Variants in MORC1 observed in about 807,000 individuals in gnomAD.
MORC1 encodes MORC family CW-type zinc finger 1.
MORC1 carries 59 observed loss-of-function variants against 134.9 expected under a neutral mutation model. That is an observed-to-expected ratio of 0.44 (90% confidence interval 0.35 to 0.54). The LOEUF is 0.54. MORC1 is among the 20% of genes least tolerant of loss of function. The probability of loss-of-function intolerance (pLI) is 0.00; values close to 1 mark genes in which losing one functional copy is unlikely to be tolerated. For synonymous variants in MORC1, 395 were observed against 391.7 expected, an observed-to-expected ratio of 1.01 and a Z score of -0.10; for missense variants, 947 against 1,134.5, an observed-to-expected ratio of 0.83 and a Z score of 2.37.
intron 8 of MORC1, among the ~76,000 whole-genome samples, chr3:109,086,800 T>C (rs1950623591): frequency 6.6e-6 from 1 of 152,090 alleles, no homozygotes. Context: ...CAGATGTTGG[T>C]AAAATATCAA....
At chr3:108,966,092 T>C (rs1027964534) in intron 26 of MORC1, among the ~76,000 whole-genome samples, 8 of 152,144 alleles carry the variant, frequency 5.3e-5, no homozygotes, top group Non-Finnish European at 1.2e-4. Context: ...TGTACTAGCT[T>C]TTTTGTGTGT....
intron 14 of MORC1, among the ~76,000 whole-genome samples, chr3:109,052,265 T>A (rs1949847517): frequency 6.6e-6 from 1 of 152,010 alleles, no homozygotes; most frequent in Non-Finnish European, 1.5e-5. Flanking sequence ...TTCATACATG[T>A]CTCTGAAAAA....
chr3:109,001,284 C>G (rs1372757594), intron 20 of MORC1, among the ~76,000 whole-genome samples: 1 of 152,160 alleles, frequency 6.6e-6, no homozygotes, highest in African/African-American at 2.4e-5. Flanking sequence ...AGGTGCCCAC[C>G]ACCACGCCTG....
chr3:109,111,617 G>A (rs1460562216), intron 2 of MORC1, among the ~76,000 whole-genome samples: 4 of 152,086 alleles, frequency 2.6e-5, no homozygotes, highest in Non-Finnish European at 5.9e-5. Context: ...CTTCAATATC[G>A]AGGGTGTGAG....
chr3:109,064,653 G>C (rs1950157957), intron 9 of MORC1, among the ~76,000 whole-genome samples: 1 of 151,996 alleles, frequency 6.6e-6, no homozygotes, highest in Admixed American at 6.5e-5. Flanking sequence ...TTAGCCCCCA[G>C]TTGTAAATCA....
At chr3:109,029,651 G>A (rs1304205295) in intron 16 of MORC1, among the ~76,000 whole-genome samples, 2 of 152,148 alleles carry the variant, frequency 1.3e-5, no homozygotes, top group African/African-American at 4.8e-5. Context: ...TGTCAAAAAT[G>A]TATAGCCTCC....
intron 9 of MORC1, among the ~76,000 whole-genome samples, chr3:109,067,573 T>C (rs991886731): frequency 2.0e-5 from 3 of 151,934 alleles, no homozygotes; most frequent in Non-Finnish European, 4.4e-5. Flanking sequence ...ACTTAAACTA[T>C]TTTTTACCCA....
At chr3:108,971,969 T>C (rs777147850) in intron 24 of MORC1, among the ~76,000 whole-genome samples, 5 of 152,272 alleles carry the variant, frequency 3.3e-5, no homozygotes, top group Non-Finnish European at 7.4e-5. Flanking sequence ...GAACTCAGCA[T>C]TGCAAATTTC....
In MORC1 at chr3:109,060,029, C is replaced by T. The variant is rs182323061; in HGVS notation, c.967-159G>A. Among the ~76,000 whole-genome samples, 227 of 152,256 alleles carry T rather than the reference C, an allele frequency of 1.5e-3. 1 individual carries two copies. The highest frequency in any genetic ancestry group is 2.9e-3 in the Non-Finnish European group (200 of 68,004). ...GATTCTCAATACTTGATAAATTATT[C>T]AGTTCCAATACTTTAGAAGATAAAC... On this transcript the variant is annotated intron_variant, in intron 11 of 27. Coordinates refer to ENST00000232603, the MANE Select transcript of MORC1 (RefSeq NM_014429.4).
chr3:108,988,196 G>C (rs1559874354), intron 21 of MORC1, among the ~76,000 whole-genome samples: 1 of 151,924 alleles, frequency 6.6e-6, no homozygotes, highest in African/African-American at 2.4e-5. Flanking sequence ...AGGTTAAATG[G>C]GCACATGTGT....
rs1427346325 is a variant in MORC1, at chr3:109,050,294, A to C, written c.1330+4434T>G. Among the ~76,000 whole-genome samples, 4 of 152,196 alleles carry C rather than the reference A, an allele frequency of 2.6e-5. No homozygotes were observed. The East Asian group carries it at 7.7e-4, about 29-fold the overall frequency. ...AAATACTATAGACTAAGTGGCTTAT[A>C]AATAACACATTTATTTCTCACAGTT... On this transcript the variant is annotated intron_variant, in intron 14 of 27. Transcript: ENST00000232603.
At chr3:109,104,426 T>C (rs915183066) in intron 3 of MORC1, among the ~76,000 whole-genome samples, 1 of 152,186 alleles carries the variant, frequency 6.6e-6, no homozygotes. Flanking sequence ...AATACTTACC[T>C]CTTCAAGACG....
chr3:108,985,442 A>G (rs188172054), intron 22 of MORC1, among the ~76,000 whole-genome samples: 50 of 152,310 alleles, frequency 3.3e-4, no homozygotes, highest in Admixed American at 9.2e-4. Context: ...ATCTTGTTCC[A>G]CCAAGTAAAC....
chr3:108,997,487 G>A (rs940610667), intron 21 of MORC1, among the ~76,000 whole-genome samples: 1 of 152,096 alleles, frequency 6.6e-6, no homozygotes, highest in African/African-American at 2.4e-5. Flanking sequence ...CAGCCTGGGT[G>A]ACACAGGGAG....
chr3:108,999,620 TG>T (rs1194660759), intron 21 of MORC1, among the ~76,000 whole-genome samples: 2 of 152,194 alleles, frequency 1.3e-5, no homozygotes, highest in African/African-American at 4.8e-5. Flanking sequence ...TATAGCATTT[TG>T]AGGGACCTTA....
In MORC1 at chr3:109,004,855, T is replaced by C; in HGVS notation, c.2047A>G (p.Arg683Gly). 1 of 1,613,844 alleles carries C rather than the reference T, an allele frequency of 6.2e-7. No homozygotes were observed. The highest frequency in any genetic ancestry group is 8.5e-7 in the Non-Finnish European group (1 of 1,179,886). ...SQIANITTVW[R>G]AQPTEGCLKN... is the part of the protein sequence containing the mutation. ...AGGCACCCTTCAGTTGGTTGAGCTC[T>C]CCAGACAGTGGTAATATTAGCAATC... Residue 683 changes from arginine (R) to glycine (G), a missense_variant, in exon 20 of 28, where the codon AGA becomes GGA. Arg to Gly is a moderately radical substitution (Grantham distance 125). This residue lies in a region of MORC1 where 722 missense variants were observed against 817.0 expected (regional missense o/e 0.88). Coordinates refer to ENST00000232603, the MANE Select transcript of MORC1 (RefSeq NM_014429.4).
chr3:108,984,771 G>A lies in MORC1; in HGVS notation c.2269C>T (p.Leu757=), dbSNP rs1263863118. ...TTCATTGCTAGAACATCATTGCACA[G>A]CTCCTGTTTTTCTTCAAAAGAACAT... ...IPLLNQEKQE[L]CNDVLAMKRS... Residue 757 remains leucine (L), a synonymous_variant, in exon 23 of 28, where the codon CTG becomes TTG. Transcript: ENST00000232603. The A allele has an allele frequency of 1.2e-6, 2 of 1,605,540 alleles. No homozygotes were observed. Among genetic ancestry groups the A allele is most frequent in the African/African-American group, 1.3e-5 (1 of 74,582 alleles).
intron 24 of MORC1, among the ~76,000 whole-genome samples, chr3:108,975,775 CTAT>C (rs1198743278): frequency 4.0e-5 from 6 of 151,638 alleles, no homozygotes; most frequent in South Asian, 2.1e-4. Context: ...AATATTATTG[CTAT>C]TATTATTATT....
At chr3:109,097,978 TTAATAGA>T (rs143697831) in intron 6 of MORC1, among the ~76,000 whole-genome samples, 4,968 of 152,104 alleles carry the variant, frequency 0.033, 252 homozygotes, top group African/African-American at 0.11. Context: ...TAGTGGGAGG[TTAATAGA>T]TAATGCCTAG....
Sources: gnomAD v4.1 joint callset for allele counts (sites outside exome capture counted in the v4.1 genomes callset) on GRCh38, gnomAD v4.1.1 for gene constraint, gnomAD v4.1.1 regional missense constraint, MANE v1.5 for transcripts, NCBI Gene and HGNC (gene_info 2026-07-23, HGNC 2026-07-21) for gene names.